CIMIP6: variants seen among roughly 807,000 people sequenced by gnomAD.
CIMIP6 encodes the protein uncharacterized protein C2orf73.
the CIMIP6 span, among the ~76,000 whole-genome samples, chr2:54,372,127 C>G: frequency 1.3e-5 from 2 of 152,132 alleles, no homozygotes; most frequent in Non-Finnish European, 2.9e-5. Flanking sequence ...TAAAATGGGA[C>G]AGCAGATAAA....
chr2:54,383,928 T>C, the CIMIP6 span, among the ~76,000 whole-genome samples: 1 of 152,182 alleles, frequency 6.6e-6, no homozygotes. Context: ...CACACTCTCT[T>C]GGCTGTCTGC....
At chr2:54,343,815 G>A in the CIMIP6 span, 17 of 1,612,408 alleles carry the variant, frequency 1.1e-5, no homozygotes, top group East Asian at 2.2e-5. Context: ...AAAAACCATC[G>A]TGTCCACTGG....
the CIMIP6 span, among the ~76,000 whole-genome samples, chr2:54,362,280 G>C: frequency 6.6e-6 from 1 of 152,132 alleles, no homozygotes; most frequent in African/African-American, 2.4e-5. Flanking sequence ...AACTGAGCAA[G>C]AGTCTGCAGT....
At chr2:54,378,330 G>A in the CIMIP6 span, among the ~76,000 whole-genome samples, 172 of 152,320 alleles carry the variant, frequency 1.1e-3, no homozygotes, top group African/African-American at 3.8e-3. Context: ...AGCCTCACAC[G>A]GCTTTGCAGC....
the CIMIP6 span, among the ~76,000 whole-genome samples, chr2:54,351,711 C>G: frequency 1.3e-5 from 2 of 152,072 alleles, no homozygotes; most frequent in African/African-American, 4.8e-5. Flanking sequence ...GTACAACAAA[C>G]CCCCATGAGA....
At chr2:54,368,188 C>A in the CIMIP6 span, among the ~76,000 whole-genome samples, 1 of 152,104 alleles carries the variant, frequency 6.6e-6, no homozygotes, top group African/African-American at 2.4e-5. Flanking sequence ...GCTTTTGTTT[C>A]TTTACAGTAG....
the CIMIP6 span, among the ~76,000 whole-genome samples, chr2:54,381,620 C>T: frequency 6.6e-6 from 1 of 152,196 alleles, no homozygotes; most frequent in African/African-American, 2.4e-5. Context: ...CTTTCAACTA[C>T]TTGCTATGCT....
chr2:54,364,656 G>T, the CIMIP6 span, among the ~76,000 whole-genome samples: 874 of 152,318 alleles, frequency 5.7e-3, 6 homozygotes, highest in Non-Finnish European at 7.6e-3. Context: ...ACAGGGCAAT[G>T]CTGGCCCATA....
At chr2:54,333,718 G>A in the CIMIP6 span, among the ~76,000 whole-genome samples, 3 of 151,980 alleles carry the variant, frequency 2.0e-5, no homozygotes, top group Admixed American at 2.0e-4. Context: ...ACGAAACCCT[G>A]TCTCTACTAA....
the CIMIP6 span, chr2:54,343,889 G>A: frequency 2.7e-5 from 42 of 1,548,666 alleles, no homozygotes; most frequent in South Asian, 4.9e-4. Flanking sequence ...GTTTTGCAGT[G>A]GTAAAAACCT....
the CIMIP6 span, chr2:54,334,902 C>T: frequency 6.4e-7 from 1 of 1,574,794 alleles, no homozygotes; most frequent in Non-Finnish European, 8.6e-7. Context: ...AAAAAGCATA[C>T]ATCATTCAAA....
the CIMIP6 span, among the ~76,000 whole-genome samples, chr2:54,371,876 T>C: frequency 6.6e-6 from 1 of 152,170 alleles, no homozygotes; most frequent in African/African-American, 2.4e-5. Context: ...GCTCTGTCAC[T>C]TGCTGGCTGT....
At chr2:54,341,499 T>C in the CIMIP6 span, among the ~76,000 whole-genome samples, 57 of 152,336 alleles carry the variant, frequency 3.7e-4, no homozygotes, top group Non-Finnish European at 7.4e-4. Context: ...TATTCTGTTG[T>C]AGCAGCACAA....
chr2:54,342,357 G>A, the CIMIP6 span, among the ~76,000 whole-genome samples: 2 of 152,064 alleles, frequency 1.3e-5, no homozygotes, highest in African/African-American at 4.8e-5. Context: ...CCTTTTTTGG[G>A]GCTGTAGGAT....
chr2:54,336,694 G>T, the CIMIP6 span, among the ~76,000 whole-genome samples: 1 of 152,204 alleles, frequency 6.6e-6, no homozygotes, highest in Admixed American at 6.5e-5. Context: ...TTACATGGTA[G>T]TAAGGGCAGC....
At chr2:54,361,178 G>C in the CIMIP6 span, 1 of 152,128 alleles carries the variant, frequency 6.6e-6, no homozygotes, top group Non-Finnish European at 1.5e-5. Context: ...AATTAAAAGT[G>C]TGAAAATCTA....
At chr2:54,345,119 T>C in the CIMIP6 span, among the ~76,000 whole-genome samples, 1 of 152,166 alleles carries the variant, frequency 6.6e-6, no homozygotes, top group Non-Finnish European at 1.5e-5. Flanking sequence ...TTTAGTGTTT[T>C]TGGCTGGGCT....
the CIMIP6 span, among the ~76,000 whole-genome samples, chr2:54,345,974 C>G: frequency 6.6e-6 from 1 of 152,092 alleles, no homozygotes; most frequent in African/African-American, 2.4e-5. Flanking sequence ...CTTCAAAGTT[C>G]TCAGGGGAAA....
chr2:54,376,887 G>A, the CIMIP6 span, among the ~76,000 whole-genome samples: 1 of 152,164 alleles, frequency 6.6e-6, no homozygotes, highest in African/African-American at 2.4e-5. Context: ...AATTAGTCTT[G>A]GTTTTCCTGG....
Sources: allele counts gnomAD v4.1 joint callset (sites outside exome capture counted in the v4.1 genomes callset), GRCh38; gene constraint gnomAD v4.1.1; transcripts MANE v1.5; gene names NCBI Gene and HGNC (gene_info 2026-07-23, HGNC 2026-07-21).